Variants in KLK13 observed in about 807,000 individuals in gnomAD.
The protein encoded by KLK13 is kallikrein related peptidase 13, also known as kallikrein-13.
In KLK13, 19 loss-of-function variants were observed where a neutral mutation model predicts 22.4. That is an observed-to-expected ratio of 0.85 (90% CI 0.59 to 1.24). The LOEUF (loss-of-function observed/expected upper bound fraction) is 1.24. Ranked by LOEUF, KLK13 falls within the 50% of genes most tolerant of loss-of-function variation. The pLI is 0.00. For synonymous variants in KLK13, 156 were observed against 141.8 expected (o/e 1.10, Z -0.71); for missense variants, 311 against 347.9 (o/e 0.89, Z 0.84).
Position 51,060,043 on chromosome 19 carries a change from C to T in KLK13, c.290G>A (p.Gly97Asp). Residue 97 changes from glycine to aspartate, a missense_variant, in exon 3 of 5, where the codon GGT becomes GAT. Coordinates refer to ENST00000595793, the MANE Select transcript of KLK13 (RefSeq NM_015596.3). ...GKHALGRVEA[G>D]EQVREVVHSI... is the part of the protein sequence containing the mutation. Reference sequence around the variant, plus strand: ...GTGGACAACTTCCCTCACCTGCTCACCAGCTTCCACACGCCCTAGGGCGTG... The same window carrying T: ...GTGGACAACTTCCCTCACCTGCTCATCAGCTTCCACACGCCCTAGGGCGTG... The T allele has an allele frequency of 1.2e-6, 2 of 1,613,808 alleles. No homozygotes were observed. Among genetic ancestry groups the T allele is most frequent in the East Asian group, 2.2e-5 (1 of 44,880 alleles).
intron 1 of KLK13, among the ~76,000 whole-genome samples, chr19:51,062,595 T>A (rs886199441): frequency 6.6e-6 from 1 of 152,142 alleles, no homozygotes; most frequent in African/African-American, 2.4e-5. Flanking sequence ...GTGTCTGGCA[T>A]TGAAAGCACA....
chr19:51,060,505 T>G lies in KLK13; in HGVS notation c.167A>C (p.Gln56Pro). ...GACTCCCCCACAGAGTAGCCGCCCT[T>G]GCACTAGTAGGGCAGCCTGCCAGGG... ...SQPWQAALLV[Q>P]GRLLCGGVLV... The change falls in exon 2 of 5, where the codon CAA becomes CCA. Residue 56 changes from glutamine (Q) to proline (P), a missense_variant. Coordinates refer to ENST00000595793, the MANE Select transcript of KLK13 (RefSeq NM_015596.3). The G allele has an allele frequency of 1.2e-6, 2 of 1,613,934 alleles. No homozygotes were observed. The highest frequency in any genetic ancestry group is 2.2e-5 in the East Asian group (1 of 44,874).
intron 1 of KLK13, chr19:51,063,709 C>A: frequency 2.2e-6 from 1 of 456,750 alleles, no homozygotes; most frequent in South Asian, 1.5e-5. Flanking sequence ...AGCCACCCCA[C>A]CTTCAGGCCA....
intron 1 of KLK13, chr19:51,064,487 C>CAAAAAAAA (rs35554667): frequency 1.7e-4 from 27 of 158,526 alleles, no homozygotes; most frequent in Non-Finnish European, 2.4e-4. Flanking sequence ...GGTTCCATCT[C>CAAAAAAAA]AAAAAAAAAA....
chr19:51,064,734 G>T, intron 1 of KLK13: 1 of 636,890 alleles, frequency 1.6e-6, no homozygotes, highest in Non-Finnish European at 2.9e-6. Context: ...GCGAACCCAT[G>T]TCTTTCAGCT....
chr19:51,063,758 T>C, intron 1 of KLK13: 1 of 458,042 alleles, frequency 2.2e-6, no homozygotes, highest in Non-Finnish European at 4.4e-6. Flanking sequence ...AGATCCCTCC[T>C]TTTTCAGGTC....
intron 1 of KLK13, chr19:51,063,521 G>C (rs1223487422): frequency 5.3e-6 from 2 of 379,540 alleles, no homozygotes; most frequent in South Asian, 1.9e-5. Context: ...ATTGGAGCAG[G>C]AGCCTTCTGT....
At chr19:51,065,269 G>T (rs1165705188), upstream of KLK13, among the ~76,000 whole-genome samples, 5 of 152,134 alleles carry the variant, frequency 3.3e-5, no homozygotes, top group Non-Finnish European at 7.4e-5. Flanking sequence ...GCAGTGGCGA[G>T]GTGGGAGGAA....
intron 4 of KLK13, 110 bp downstream of exon 4, chr19:51,058,428 A>G (rs1228751706): frequency 1.5e-6 from 2 of 1,299,476 alleles, no homozygotes; most frequent in Non-Finnish European, 2.2e-6. Flanking sequence ...ATTGTATCTT[A>G]TAAAGATTGG....
Position 51,056,081 on chromosome 19 carries a change from G to T in KLK13, c.*506C>A, listed in dbSNP as rs924146996. 5 of 153,174 alleles carry T rather than the reference G, an allele frequency of 3.3e-5. No homozygotes were observed. The highest frequency in any genetic ancestry group is 1.2e-4 in the African/African-American group (5 of 41,452). The allele number at this position is 153,174 out of a possible 1,614,324, so 9.5% of individuals were successfully genotyped here. A position where few individuals can be genotyped will look rare whatever the true frequency, so the allele number is the denominator to read the frequency against. ...TACACAGAATGTTGTCAGGGCAGAA[G>T]ATTGTGGGCATAAGAGAATATTTTC... On this transcript the variant is annotated 3_prime_UTR_variant, in exon 5 of 5. Coordinates refer to ENST00000595793, the MANE Select transcript of KLK13 (RefSeq NM_015596.3).
rs115784100 is a variant in KLK13 at position 51,057,428 on chromosome 19, T to C, written c.646-653A>G. On this transcript the variant is annotated intron_variant, in intron 4 of 4. Transcript: ENST00000595793. Reference sequence around the variant, plus strand: ...AAAAATTAAACATTCATTTTTAAATTTTTATTTATTTATTTATTAGAGACA... The same window carrying C: ...AAAAATTAAACATTCATTTTTAAATCTTTATTTATTTATTTATTAGAGACA... Among the ~76,000 whole-genome samples, 430 of 152,220 alleles carry C rather than the reference T, an allele frequency of 2.8e-3. 3 individuals are homozygous for C. Among genetic ancestry groups the C allele is most frequent in the African/African-American group, 9.6e-3 (400 of 41,532 alleles).
At chr19:51,059,575 A>G (rs1274090630) in intron 3 of KLK13, 5 of 212,298 alleles carry the variant, frequency 2.4e-5, no homozygotes, top group African/African-American at 2.4e-5. Flanking sequence ...CATAATATAC[A>G]TCATATAATA....
At chr19:51,065,256 G>A, upstream of KLK13, 2 of 519,788 alleles carry the variant, frequency 3.8e-6, no homozygotes, top group South Asian at 5.4e-5. Flanking sequence ...CCTTGGTGGG[G>A]GTGCAGTGGC....
chr19:51,058,689 G>T lies in KLK13; in HGVS notation c.509-15C>A, dbSNP rs1203503470. ...GGGGTAATTCACTGGGGAGAAGAAA[G>T]AGAAGGTCTAAGGTATCCGACCTGG... On this transcript the variant is annotated splice_polypyrimidine_tract_variant and intron_variant, in intron 3 of 4. Transcript: ENST00000595793. The T allele has an allele frequency of 1.4e-5, 22 of 1,614,078 alleles. No homozygotes were observed. The highest frequency in any genetic ancestry group is 1.9e-5 in the Non-Finnish European group (22 of 1,179,976).
upstream of KLK13, chr19:51,065,197 ACTCTT>A: frequency 1.6e-6 from 1 of 615,470 alleles, no homozygotes; most frequent in Non-Finnish European, 2.7e-6. Flanking sequence ...CGCCTCATTC[ACTCTT>A]GACAGCCCTG....
Position 51,056,776 on chromosome 19 carries a change from CT to C in KLK13, c.646-2del. The C allele has an allele frequency of 6.2e-7, 1 of 1,612,318 alleles. No homozygotes were observed. Among genetic ancestry groups the C allele is most frequent in the Non-Finnish European group, 8.5e-7 (1 of 1,178,952 alleles). On this transcript the variant is annotated splice_acceptor_variant, in intron 4 of 4. Coordinates refer to ENST00000595793, the MANE Select transcript of KLK13 (RefSeq NM_015596.3). LOFTEE classifies it high-confidence loss of function. ...AGACCAGGGGGCCCCCAGAGTCACCCTGAGTTGGGGAAAGAAAGAGAGAGAG... is the reference window on the plus strand; with the variant it reads ...AGACCAGGGGGCCCCCAGAGTCACCCGAGTTGGGGAAAGAAAGAGAGAGAG...
chr19:51,065,041 G>A lies in KLK13; in HGVS notation c.27C>T (p.Ala9=). MWPLALVI[A]SLTLALSGGV... Reference sequence around the variant, plus strand: ...CTCCTGACAAGGCCAAGGTCAGGGAGGCGATCACTAGGGCCAGGGGCCACA... The same window carrying A: ...CTCCTGACAAGGCCAAGGTCAGGGAAGCGATCACTAGGGCCAGGGGCCACA... Residue 9 remains alanine, a synonymous_variant, in exon 1 of 5, where the codon GCC becomes GCT. Coordinates refer to ENST00000595793, the MANE Select transcript of KLK13 (RefSeq NM_015596.3). The A allele has an allele frequency of 6.4e-7, 1 of 1,554,076 alleles. No individual in the cohort carries two copies. Among genetic ancestry groups the A allele is most frequent in the Non-Finnish European group, 8.7e-7 (1 of 1,148,746 alleles).
At chr19:51,062,020 A>G (rs538264979) in intron 1 of KLK13, among the ~76,000 whole-genome samples, 1 of 152,210 alleles carries the variant, frequency 6.6e-6, no homozygotes, top group South Asian at 2.1e-4. Flanking sequence ...CTTTCTCCAG[A>G]CCTATGTTGT....
At chr19:51,057,931 C>T (rs908818761) in intron 4 of KLK13, among the ~76,000 whole-genome samples, 5 of 152,196 alleles carry the variant, frequency 3.3e-5, no homozygotes, top group African/African-American at 1.2e-4. Flanking sequence ...TCCCACAGCT[C>T]TGGTGGAGTG....
Sources: allele counts gnomAD v4.1 joint callset (sites outside exome capture counted in the v4.1 genomes callset), GRCh38; gene constraint gnomAD v4.1.1; transcripts MANE v1.5; gene names NCBI Gene and HGNC (gene_info 2026-07-23, HGNC 2026-07-21).